Variants in POU6F1 observed in about 807,000 individuals in gnomAD.
POU6F1 encodes the protein POU domain, class 6, transcription factor 1.
A neutral mutation model predicts 28.9 loss-of-function variants in POU6F1; 9 were observed. The observed-to-expected ratio is 0.31, with a 90% confidence interval of 0.19 to 0.54. The LOEUF is 0.54. Ranked by LOEUF, POU6F1 falls within the 20% of genes least tolerant of loss-of-function variation. The probability of loss-of-function intolerance (pLI) is 0.94; values close to 1 mark genes in which losing one functional copy is unlikely to be tolerated. For missense variants in POU6F1, 338 were observed against 426.1 expected (o/e 0.79, Z 1.82); for synonymous variants, 173 against 171.1 (o/e 1.01, Z -0.09).
intron 1 of POU6F1, chr12:51,207,646 G>C (rs1253003368): frequency 6.6e-6 from 1 of 152,234 alleles, no homozygotes; most frequent in African/African-American, 2.4e-5. Flanking sequence ...AAAAATGTTA[G>C]TATTTATATC....
At chr12:51,197,047 T>C in intron 6 of POU6F1, 120 bp from the exon 7 acceptor site, 1 of 603,256 alleles carries the variant, frequency 1.7e-6, no homozygotes, top group East Asian at 2.8e-5. Flanking sequence ...GGCCCATGTC[T>C]ACCGGCTGGA....
chr12:51,200,217 G>A (rs1211554237), intron 3 of POU6F1, among the ~76,000 whole-genome samples: 2 of 152,222 alleles, frequency 1.3e-5, no homozygotes, highest in African/African-American at 2.4e-5. Context: ...TGAAGCACAC[G>A]TGTGTCAGGG....
rs1432570998 is a variant in POU6F1 at position 51,186,972 on chromosome 12, C to T, written c.*3275G>A. ...AAATACTGTTTATTCCACACAACTA[C>T]ATCAAGCGCTTCTTCCCCATTCTCC... On this transcript the variant is annotated 3_prime_UTR_variant, in exon 11 of 11. Transcript: ENST00000333640. 6.6e-6 allele frequency: 1 copy of T among 152,296 alleles called. No homozygotes were observed. Among genetic ancestry groups the T allele is most frequent in the Non-Finnish European group, 1.5e-5 (1 of 68,102 alleles). 9.4% of individuals were successfully genotyped at this position (152,296 alleles called of 1,614,324 possible).
intron 1 of POU6F1, among the ~76,000 whole-genome samples, chr12:51,214,934 G>C (rs1944205986): frequency 6.6e-6 from 1 of 151,986 alleles, no homozygotes; most frequent in Non-Finnish European, 1.5e-5. Flanking sequence ...ACCCCATCCT[G>C]GGTGACAGCA....
At chr12:51,205,255 T>C (rs527346864) in intron 2 of POU6F1, among the ~76,000 whole-genome samples, 28 of 151,732 alleles carry the variant, frequency 1.8e-4, no homozygotes, top group South Asian at 1.5e-3. Flanking sequence ...TTGGCCAGGA[T>C]GGTCTCGATC....
chr12:51,211,036 T>C (rs10783420), intron 1 of POU6F1, among the ~76,000 whole-genome samples: 125,187 of 152,194 alleles, frequency 0.82, 51,587 homozygotes, highest in East Asian at 0.88. Flanking sequence ...AAATTTTTTT[T>C]GAGCCTCAGG....
chr12:51,214,515 C>T (rs533306239), intron 1 of POU6F1, among the ~76,000 whole-genome samples: 2 of 152,280 alleles, frequency 1.3e-5, no homozygotes, highest in East Asian at 3.9e-4. Context: ...AATTCTGCTC[C>T]ACACCGACGC....
At chr12:51,213,106 T>G (rs539322071) in intron 1 of POU6F1, among the ~76,000 whole-genome samples, 1 of 152,148 alleles carries the variant, frequency 6.6e-6, no homozygotes, top group African/African-American at 2.4e-5. Flanking sequence ...CAGGCTGATT[T>G]TTGTATTTTT....
Position 51,190,086 on chromosome 12 carries a change from GA to G in POU6F1, c.*160del, listed in dbSNP as rs1409186745. On this transcript the variant is annotated 3_prime_UTR_variant, in exon 11 of 11. Coordinates refer to ENST00000333640, the MANE Select transcript of POU6F1 (RefSeq NM_001330422.2). This position sits in a 1 kb window ranked among gnomAD's most constrained non-coding sequence, Gnocchi z 4.5. ...TCCCCATGATGTGAGATGTGTGGGA[GA>G]AAAGAGGGACATTGATGCACATGCA... is the stretch of plus-strand genomic sequence containing the variant. The G allele has an allele frequency of 6.9e-6, 9 of 1,302,384 alleles. No homozygotes were observed. Among genetic ancestry groups the G allele is most frequent in the African/African-American group, 1.5e-5 (1 of 66,982 alleles). 80.7% of individuals were successfully genotyped at this position (1,302,384 alleles called of 1,614,324 possible).
intron 7 of POU6F1, among the ~76,000 whole-genome samples, chr12:51,196,570 G>A (rs759132295): frequency 7.2e-5 from 11 of 152,246 alleles, no homozygotes; most frequent in Non-Finnish European, 1.2e-4. Flanking sequence ...ACCACAGCAT[G>A]GGTGCTCCAT....
At position 51,189,979 on chromosome 12, in the gene POU6F1, G is replaced by A; in HGVS notation, c.*268C>T. 2.0e-6 allele frequency: 1 copy of A among 499,440 alleles called. No homozygotes were observed. Among genetic ancestry groups the A allele is most frequent in the African/African-American group, 1.9e-5 (1 of 52,104 alleles). The allele number at this position is 499,440 out of a possible 1,614,324, so 30.9% of individuals were successfully genotyped here. On this transcript the variant is annotated 3_prime_UTR_variant, in exon 11 of 11. Coordinates refer to ENST00000333640, the MANE Select transcript of POU6F1 (RefSeq NM_001330422.2). Reference sequence around the variant, plus strand: ...CCTTCAGAAACCATGCTAGCAAGGTGCTTCTCTAAGTGACGTCACAAATCC... The same window carrying A: ...CCTTCAGAAACCATGCTAGCAAGGTACTTCTCTAAGTGACGTCACAAATCC...
intron 8 of POU6F1, among the ~76,000 whole-genome samples, chr12:51,195,214 A>G (rs139321464): frequency 1.5e-3 from 229 of 152,290 alleles, no homozygotes; most frequent in African/African-American, 5.3e-3. Flanking sequence ...TGTACACTGC[A>G]GCCTTGAACT....
At chr12:51,208,619 G>C (rs1943782650) in intron 1 of POU6F1, among the ~76,000 whole-genome samples, 1 of 152,102 alleles carries the variant, frequency 6.6e-6, no homozygotes, top group African/African-American at 2.4e-5. Flanking sequence ...AGTATTAAGA[G>C]ATAGGGCCTC....
At chr12:51,201,534 T>TAC (rs1943205459) in intron 3 of POU6F1, 1 of 147,562 alleles carries the variant, frequency 6.8e-6, no homozygotes, top group Non-Finnish European at 1.5e-5. Context: ...AAAAATGAGT[T>TAC]AAAAAAAAAA....
chr12:51,198,590 A>G lies in POU6F1; in HGVS notation c.552T>C (p.Pro184=). The change falls in exon 5 of 11, where the codon CCT becomes CCC. Residue 184 remains proline, a synonymous_variant. Coordinates refer to ENST00000333640, the MANE Select transcript of POU6F1 (RefSeq NM_001330422.2). ...AAGGTGGCTTGAACACTCCCCCCGT[A>G]GGAGAAGCAGCGGTCAGTCCTGGGA... ...AALPGLTAAS[P]TGGVFKPPLA... 2.5e-6 allele frequency: 1 copy of G among 399,230 alleles called. No homozygotes were observed. The highest frequency in any genetic ancestry group is 3.6e-5 in the East Asian group (1 of 28,072). 24.7% of individuals were successfully genotyped at this position (399,230 alleles called of 1,614,324 possible).
In POU6F1 at chr12:51,212,084, TTTTGTTTG is replaced by T. The variant is rs543517992; in HGVS notation, c.-47-5209_-47-5202del. On this transcript the variant is annotated intron_variant, in intron 1 of 10. Transcript: ENST00000333640. ...TTCGTTTTTTTTTTTGTTTTTTTTG[TTTTGTTTG>T]TTTGTTTGTTTGTTTGTTTGAGACG... Among the ~76,000 whole-genome samples, 629 of 146,458 alleles carry T rather than the reference TTTTGTTTG, an allele frequency of 4.3e-3. 7 individuals are homozygous for T. Among genetic ancestry groups the T allele is most frequent in the East Asian group, 4.9e-3 (24 of 4,884 alleles).
intron 1 of POU6F1, among the ~76,000 whole-genome samples, chr12:51,208,797 C>T (rs1200682352): frequency 6.6e-6 from 1 of 152,024 alleles, no homozygotes; most frequent in Non-Finnish European, 1.5e-5. Flanking sequence ...AGTAGCTGAG[C>T]GTAGTGGTGC....
Position 51,190,494 on chromosome 12 carries a change from TG to T in POU6F1, c.1588del (p.Gln530SerfsTer4). 6.2e-7 allele frequency: 1 copy of T among 1,614,204 alleles called. No individual in the cohort carries two copies. Among genetic ancestry groups the T allele is most frequent in the Non-Finnish European group, 8.5e-7 (1 of 1,180,034 alleles). On this transcript the variant is annotated frameshift_variant, in exon 11 of 11. Transcript: ENST00000333640. LOFTEE classifies it high-confidence loss of function. This position sits in a 1 kb window ranked among gnomAD's most constrained non-coding sequence, Gnocchi z 4.5. The part of the protein sequence containing the change: ...NEAELRNQEG[Q>X]QNLMEFVGGE... ...TCCCACAAACTCCATCAGGTTCTGC[TG>T]GCCTTCCTGGTTCCGCAGTTCAGCT...
chr12:51,191,586 C>A lies in POU6F1; in HGVS notation c.1490+10G>T, dbSNP rs572425691. The stretch of plus-strand genomic sequence containing the variant: ...CAGGCCCTAATCCTGTCTAGGGCAG[C>A]CTTACTCACCGGCAGATGGCTGACT... On this transcript the variant is annotated intron_variant, in intron 10 of 10. Coordinates refer to ENST00000333640, the MANE Select transcript of POU6F1 (RefSeq NM_001330422.2). 1 of 1,611,750 alleles carries A rather than the reference C, an allele frequency of 6.2e-7. No homozygotes were observed. Among genetic ancestry groups the A allele is most frequent in the African/African-American group, 1.3e-5 (1 of 74,884 alleles).
Sources: allele counts gnomAD v4.1 joint callset (sites outside exome capture counted in the v4.1 genomes callset), GRCh38; gene constraint gnomAD v4.1.1; non-coding constraint Gnocchi (gnomAD v3.1); transcripts MANE v1.5; gene names NCBI Gene and HGNC (gene_info 2026-07-23, HGNC 2026-07-21).